The following PLCB4 variants were observed in gnomAD, a reference collection of about 807,000 sequenced individuals.
PLCB4 encodes the protein 1-phosphatidylinositol 4,5-bisphosphate phosphodiesterase beta-4.
Under a neutral mutation model 178.8 loss-of-function variants are expected in PLCB4, and 77 were observed. The ratio of observed to expected loss-of-function variants is 0.43; its 90% CI spans 0.36 to 0.52. The LOEUF is 0.52. PLCB4 is among the 20% of genes least tolerant of loss of function. The probability of loss-of-function intolerance (pLI) is 0.00; values close to 1 mark genes in which losing one functional copy is unlikely to be tolerated. For missense variants in PLCB4, 1,024 were observed against 1,453.4 expected, an observed-to-expected ratio of 0.70 and a Z score of 4.80; for synonymous variants, 496 against 490.8, an observed-to-expected ratio of 1.01 and a Z score of -0.14.
At position 9,157,807 on chromosome 20, in the gene PLCB4, G is replaced by C. The variant is rs139939079; in HGVS notation, c.-78-59583G>C. Reference sequence around the variant, plus strand: ...GCTCATTTATGCTGGGTGTGATGGTGCGTGGTCCTAGCTATTTGGGAGACT... The same window carrying C: ...GCTCATTTATGCTGGGTGTGATGGTCCGTGGTCCTAGCTATTTGGGAGACT... On this transcript the variant is annotated intron_variant, in intron 2 of 39. Coordinates refer to ENST00000378473, the MANE Select transcript of PLCB4 (RefSeq NM_001377142.1). Among the ~76,000 whole-genome samples the C allele has an allele frequency of 4.7e-4, 72 of 152,200 alleles. No homozygotes were observed. The Middle Eastern group carries it at 0.014, about 29-fold the overall frequency.
rs368947166 is a variant in PLCB4, at chr20:9,401,515, C to T, written c.1536C>T (p.Pro512=). Residue 512 remains proline, a synonymous_variant, in exon 20 of 40, where the codon CCC becomes CCT. Coordinates refer to ENST00000378473, the MANE Select transcript of PLCB4 (RefSeq NM_001377142.1). ...CTGACCAAGAGGAGGAAGCTCACCC[C>T]GAATTCAAATTTGGAAATGAACTTT... ...ESADQEEEAH[P]EFKFGNELSA... is the part of the protein sequence containing the mutation. 20 of 1,613,560 alleles carry T rather than the reference C, an allele frequency of 1.2e-5. No individual in the cohort carries two copies. Among genetic ancestry groups the T allele is most frequent in the Admixed American group, 3.3e-5 (2 of 59,976 alleles).
chr20:9,332,963 A>G (rs1350241560), intron 4 of PLCB4, among the ~76,000 whole-genome samples: 1 of 152,168 alleles, frequency 6.6e-6, no homozygotes, highest in Non-Finnish European at 1.5e-5. Context: ...GTTTGTATGC[A>G]TTACAAAAAG....
At position 9,408,581 on chromosome 20, in the gene PLCB4, G is replaced by A. The variant is rs376915028; in HGVS notation, c.1790-52G>A. 55 of 856,002 alleles carry A rather than the reference G, an allele frequency of 6.4e-5. 1 individual carries two copies. Among genetic ancestry groups the A allele is most frequent in the Middle Eastern group, 4.4e-4 (2 of 4,584 alleles). 53.0% of individuals were successfully genotyped at this position (856,002 alleles called of 1,614,324 possible). A position where few individuals can be genotyped will look rare whatever the true frequency, so the allele number is the denominator to read the frequency against. ...TGCATTTATTTATTGCTGTTTTTCG[G>A]TGAGGGTTTGATGGCAGAGTTCCTG... On this transcript the variant is annotated intron_variant, in intron 22 of 39. Transcript: ENST00000378473.
chr20:9,142,796 A>G (rs75080646), intron 2 of PLCB4, among the ~76,000 whole-genome samples: 10,151 of 152,198 alleles, frequency 0.067, 491 homozygotes, highest in Non-Finnish European at 0.1. Flanking sequence ...ATGCTCTGAA[A>G]TAGATATCAG....
chr20:9,176,844 G>C (rs77085521), intron 2 of PLCB4, among the ~76,000 whole-genome samples: 6 of 152,268 alleles, frequency 3.9e-5, no homozygotes, highest in African/African-American at 1.4e-4. Context: ...TGAGGAAACT[G>C]TTAGAAGCTT....
chr20:9,223,698 C>T (rs2093828168), intron 3 of PLCB4, among the ~76,000 whole-genome samples: 2 of 152,224 alleles, frequency 1.3e-5, no homozygotes, highest in Admixed American at 1.3e-4. Flanking sequence ...GTGGAAGCAG[C>T]ATTGCTTTAT....
chr20:9,365,588 T>C (rs1211150805), intron 9 of PLCB4, 74 bp downstream of exon 9: 1 of 825,312 alleles, frequency 1.2e-6, no homozygotes, highest in East Asian at 2.5e-5. Context: ...AGAGAACCCT[T>C]CACAAGTATT....
chr20:9,228,356 T>A lies in PLCB4; in HGVS notation c.-16+10904T>A, dbSNP rs527701688. Reference sequence around the variant, plus strand: ...AGGCAGGTGATTTTCCTGGGATAAGTCACATTTGTTTCCAGTATGTTTGAC... The same window carrying A: ...AGGCAGGTGATTTTCCTGGGATAAGACACATTTGTTTCCAGTATGTTTGAC... On this transcript the variant is annotated intron_variant, in intron 3 of 39. Coordinates refer to ENST00000378473, the MANE Select transcript of PLCB4 (RefSeq NM_001377142.1). Among the ~76,000 whole-genome samples, 23 of 152,312 alleles carry A rather than the reference T, an allele frequency of 1.5e-4. No individual in the cohort carries two copies. In the East Asian group the frequency reaches 4.4e-3, roughly 29 times the overall value.
intron 2 of PLCB4, among the ~76,000 whole-genome samples, chr20:9,176,590 C>A (rs2147068224): frequency 6.6e-6 from 1 of 152,208 alleles, no homozygotes; most frequent in South Asian, 2.1e-4. Flanking sequence ...TATATACATA[C>A]ACACAAACAG....
chr20:9,235,555 G>A (rs545489525), intron 3 of PLCB4, among the ~76,000 whole-genome samples: 265 of 152,262 alleles, frequency 1.7e-3, no homozygotes, highest in African/African-American at 5.8e-3. Flanking sequence ...TCCAAATCCC[G>A]CTTTCAAAAA....
intron 30 of PLCB4, among the ~76,000 whole-genome samples, chr20:9,437,857 A>G (rs1283772194): frequency 1.3e-5 from 2 of 152,186 alleles, no homozygotes; most frequent in African/African-American, 4.8e-5. Context: ...GTTATAACAC[A>G]CCTATCACAT....
Position 9,389,892 on chromosome 20 carries a change from C to A in PLCB4, c.1172C>A (p.Ala391Asp). 6.4e-7 allele frequency: 1 copy of A among 1,573,734 alleles called. No homozygotes were observed. Among genetic ancestry groups the A allele is most frequent in the Non-Finnish European group, 8.7e-7 (1 of 1,147,842 alleles). Residue 391 changes from alanine to aspartate, a missense_variant, in exon 16 of 40, where the codon GCC (alanine) becomes GAC (aspartate). Physicochemically the swap from Ala to Asp is moderately radical, Grantham distance 126. Transcript: ENST00000378473. Reference sequence around the variant, plus strand: ...TTGTTTTTAAAGGATGTAATTCAAGCCATCAAGGAAACTGCATTTGTCACA... The same window carrying A: ...TTGTTTTTAAAGGATGTAATTCAAGACATCAAGGAAACTGCATTTGTCACA... ...TDILFKDVIQ[A>D]IKETAFVTSE...
At chr20:9,263,136 G>A (rs919084103) in intron 3 of PLCB4, among the ~76,000 whole-genome samples, 3 of 152,128 alleles carry the variant, frequency 2.0e-5, no homozygotes, top group Non-Finnish European at 2.9e-5. Context: ...GAAGCTGATC[G>A]GCTCATGTGC....
At chr20:9,335,026 T>G (rs761164219) in intron 4 of PLCB4, among the ~76,000 whole-genome samples, 13 of 152,112 alleles carry the variant, frequency 8.5e-5, no homozygotes, top group Non-Finnish European at 1.0e-4. Context: ...AATCCTTACT[T>G]GGAATTAGGT....
At chr20:9,184,714 T>A (rs554810388) in intron 2 of PLCB4, among the ~76,000 whole-genome samples, 77 of 152,184 alleles carry the variant, frequency 5.1e-4, no homozygotes, top group African/African-American at 1.8e-3. Flanking sequence ...AACCGATTTA[T>A]GAGCTGTCAG....
chr20:9,292,100 G>A (rs1247941863), intron 3 of PLCB4, among the ~76,000 whole-genome samples: 1 of 152,168 alleles, frequency 6.6e-6, no homozygotes, highest in African/African-American at 2.4e-5. Flanking sequence ...ATTTATGCCT[G>A]CTCCTTTCCA....
chr20:9,127,305 C>T (rs1023823048), intron 2 of PLCB4, among the ~76,000 whole-genome samples: 3 of 152,198 alleles, frequency 2.0e-5, no homozygotes, highest in Non-Finnish European at 2.9e-5. Context: ...TCAAGGAACA[C>T]GCCTCACATA....
intron 34 of PLCB4, among the ~76,000 whole-genome samples, chr20:9,457,883 C>T (rs2043152436): frequency 6.6e-6 from 1 of 152,094 alleles, no homozygotes; most frequent in African/African-American, 2.4e-5. Flanking sequence ...TTACTCCATC[C>T]TAACTTTACA....
chr20:9,461,303 A>G (rs2043375814), intron 35 of PLCB4, among the ~76,000 whole-genome samples: 1 of 152,250 alleles, frequency 6.6e-6, no homozygotes, highest in East Asian at 1.9e-4. Flanking sequence ...AGATGGCTGA[A>G]TAAGAACAGG....
Sources: gnomAD v4.1 joint callset for allele counts (sites outside exome capture counted in the v4.1 genomes callset) on GRCh38, gnomAD v4.1.1 for gene constraint, MANE v1.5 for transcripts, NCBI Gene and HGNC (gene_info 2026-07-23, HGNC 2026-07-21) for gene names.